The following SCARA5 variants were observed in gnomAD, a reference collection of about 807,000 sequenced individuals.
SCARA5 encodes scavenger receptor class A member 5.
SCARA5 carries 45 observed loss-of-function variants against 46.3 expected under a neutral mutation model. That is an observed-to-expected ratio of 0.97 (90% CI 0.76 to 1.24). The LOEUF is 1.24. Among genes scored for constraint, SCARA5 ranks in the 50% most tolerant of loss-of-function variants. SCARA5 has a pLI of 0.00. For synonymous variants in SCARA5, 333 were observed against 306.5 expected (o/e 1.09, Z -0.90); for missense variants, 680 against 689.0 (o/e 0.99, Z 0.15).
At chr8:27,950,008 C>T (rs1808098230) in intron 3 of SCARA5, among the ~76,000 whole-genome samples, 1 of 152,182 alleles carries the variant, frequency 6.6e-6, no homozygotes, top group Non-Finnish European at 1.5e-5. Context: ...GAGCAGAGAC[C>T]TAGGGAGGCT....
chr8:27,875,722 A>T (rs144578806), intron 8 of SCARA5, among the ~76,000 whole-genome samples: 33 of 152,282 alleles, frequency 2.2e-4, no homozygotes, highest in African/African-American at 7.5e-4. Flanking sequence ...GAGAGCGATA[A>T]AAATCCTCTG....
chr8:27,922,186 G>T lies in SCARA5; in HGVS notation c.301C>A (p.Leu101Met). Residue 101 changes from leucine to methionine, a missense_variant, in exon 4 of 9, where the codon CTG (leucine) becomes ATG (methionine). Physicochemically the swap from Leu to Met is conservative, Grantham distance 15. This residue lies in a region of SCARA5 where 438 missense variants were observed against 384.5 expected (regional missense o/e 1.14). Coordinates refer to ENST00000354914, the MANE Select transcript of SCARA5 (RefSeq NM_173833.6). ...TGCAAGTCCCGGAAGCTCTCATTCA[G>T]CCGGTTCACATTGCGAGTCAGGGCC... ...LKALTRNVNR[L>M]NESFRDLQLR... 1 of 1,604,796 alleles carries T rather than the reference G, an allele frequency of 6.2e-7. No individual in the cohort carries two copies. The highest frequency in any genetic ancestry group is 8.5e-7 in the Non-Finnish European group (1 of 1,176,430).
At chr8:27,905,208 G>C (rs1413302343) in intron 6 of SCARA5, among the ~76,000 whole-genome samples, 1 of 151,930 alleles carries the variant, frequency 6.6e-6, no homozygotes, top group Non-Finnish European at 1.5e-5. Context: ...AGTTAAATAG[G>C]GGGAGAGGCG....
intron 3 of SCARA5, among the ~76,000 whole-genome samples, chr8:27,944,433 G>A (rs1185704922): frequency 2.0e-5 from 3 of 152,122 alleles, no homozygotes; most frequent in African/African-American, 4.8e-5. Context: ...ATTAAAAATG[G>A]TAATAACAAA....
intron 5 of SCARA5, among the ~76,000 whole-genome samples, chr8:27,909,449 T>C (rs1429863824): frequency 6.6e-6 from 1 of 152,154 alleles, no homozygotes; most frequent in Non-Finnish European, 1.5e-5. Flanking sequence ...CCTGTACCTT[T>C]TCCTTCAGAC....
intron 7 of SCARA5, among the ~76,000 whole-genome samples, chr8:27,891,406 A>G (rs979425502): frequency 1.3e-5 from 2 of 151,986 alleles, no homozygotes; most frequent in African/African-American, 4.8e-5. Flanking sequence ...GGGTCTCACC[A>G]TGTTGGCCAG....
At chr8:27,929,145 GA>G (rs1429259707) in intron 3 of SCARA5, among the ~76,000 whole-genome samples, 2 of 152,144 alleles carry the variant, frequency 1.3e-5, no homozygotes, top group Non-Finnish European at 2.9e-5. Context: ...AATAATCTAT[GA>G]TTAATGTATT....
chr8:27,987,547 G>A lies in SCARA5; in HGVS notation c.69C>T (p.Ser23=), dbSNP rs565424553. Residue 23 remains serine (S), a synonymous_variant, in exon 2 of 9, where the codon TCC becomes TCT. Coordinates refer to ENST00000354914, the MANE Select transcript of SCARA5 (RefSeq NM_173833.6). The part of the protein sequence containing the change: ...DCDTSSICED[S]FDGRSLSKLN... ...GCTTGGACAGGCTCCTGCCATCAAA[G>A]GAATCCTCACAGATGGAGCTGGTGT... The A allele has an allele frequency of 1.2e-6, 2 of 1,614,118 alleles. No individual in the cohort carries two copies. Among genetic ancestry groups the A allele is most frequent in the East Asian group, 2.2e-5 (1 of 44,878 alleles).
intron 2 of SCARA5, among the ~76,000 whole-genome samples, chr8:27,968,507 C>A (rs115996682): frequency 0.012 from 1,820 of 152,300 alleles, 43 homozygotes; most frequent in African/African-American, 0.042. Flanking sequence ...TATGTAGGCT[C>A]CTGGTAGCAT....
At chr8:27,919,640 G>A (rs1422913074) in intron 4 of SCARA5, among the ~76,000 whole-genome samples, 2 of 151,856 alleles carry the variant, frequency 1.3e-5, no homozygotes, top group Non-Finnish European at 2.9e-5. Flanking sequence ...CCTAGCATGA[G>A]AGGCAGTGGA....
intron 4 of SCARA5, among the ~76,000 whole-genome samples, chr8:27,920,217 T>C (rs868484012): frequency 2.0e-5 from 3 of 152,170 alleles, no homozygotes; most frequent in African/African-American, 7.2e-5. Flanking sequence ...CATTCCATAG[T>C]CCCAGCACTT....
chr8:27,878,958 C>G (rs1806765666), intron 8 of SCARA5, among the ~76,000 whole-genome samples: 1 of 152,102 alleles, frequency 6.6e-6, no homozygotes, highest in Admixed American at 6.5e-5. Flanking sequence ...CTGGAGATTG[C>G]TAGTAGGCCC....
At chr8:27,943,951 AT>A (rs1037853662) in intron 3 of SCARA5, among the ~76,000 whole-genome samples, 6 of 152,196 alleles carry the variant, frequency 3.9e-5, no homozygotes, top group African/African-American at 1.2e-4. Context: ...CCTTAACCAA[AT>A]TTACCATTAC....
chr8:27,928,000 C>G (rs1177613714), intron 3 of SCARA5, among the ~76,000 whole-genome samples: 1 of 152,096 alleles, frequency 6.6e-6, no homozygotes, highest in East Asian at 1.9e-4. Flanking sequence ...CTTCAGGTAC[C>G]GGGGCTAATC....
intron 2 of SCARA5, among the ~76,000 whole-genome samples, chr8:27,973,521 C>A (rs185518929): frequency 1.3e-5 from 2 of 152,262 alleles, no homozygotes; most frequent in Admixed American, 1.3e-4. Flanking sequence ...GCTTTCTTTG[C>A]ATATCCAGGG....
At chr8:27,892,673 G>C (rs951410893) in intron 7 of SCARA5, among the ~76,000 whole-genome samples, 1 of 148,306 alleles carries the variant, frequency 6.7e-6, no homozygotes, top group African/African-American at 2.5e-5. Flanking sequence ...GCAGTGGTGC[G>C]ATCTTGGCTC....
chr8:27,935,371 A>T (rs1807838012), intron 3 of SCARA5, among the ~76,000 whole-genome samples: 1 of 152,158 alleles, frequency 6.6e-6, no homozygotes, highest in African/African-American at 2.4e-5. Context: ...AATGGCCAAC[A>T]GGGGGGTTAG....
chr8:27,922,069 G>T lies in SCARA5; in HGVS notation c.418C>A (p.Leu140Met), dbSNP rs764943123. 128 of 1,594,098 alleles carry T rather than the reference G, an allele frequency of 8.0e-5. No homozygotes were observed. The highest frequency in any genetic ancestry group is 1.1e-4 in the Non-Finnish European group (124 of 1,172,918). The change falls in exon 4 of 9, where the codon CTG (leucine) becomes ATG (methionine). Residue 140 changes from leucine to methionine, a missense_variant. Physicochemically the swap from Leu to Met is conservative, Grantham distance 15 (BLOSUM62 2). This residue lies in a region of SCARA5 where 438 missense variants were observed against 384.5 expected (regional missense o/e 1.14). Coordinates refer to ENST00000354914, the MANE Select transcript of SCARA5 (RefSeq NM_173833.6). ...DALQNQSDSLLALAGAVQRLE... is the reference protein window; with the variant it reads ...DALQNQSDSLMALAGAVQRLE... ...CGCTGCACTGCGCCCGCCAGCGCCA[G>T]CAACGAGTCTGACTGGTTCTGCAGC...
intron 4 of SCARA5, among the ~76,000 whole-genome samples, chr8:27,917,104 A>G (rs1807475011): frequency 6.6e-6 from 1 of 152,208 alleles, no homozygotes; most frequent in Non-Finnish European, 1.5e-5. Context: ...CCAGTCCTAG[A>G]ACTGTGAGCA....
Sources: gnomAD v4.1 joint callset for allele counts (sites outside exome capture counted in the v4.1 genomes callset) on GRCh38, gnomAD v4.1.1 for gene constraint, gnomAD v4.1.1 regional missense constraint, MANE v1.5 for transcripts, NCBI Gene and HGNC (gene_info 2026-07-23, HGNC 2026-07-21) for gene names.